The following ARHGAP17 variants were observed in gnomAD, a reference collection of about 807,000 sequenced individuals.
ARHGAP17 encodes the protein rho GTPase-activating protein 17.
Under a neutral mutation model 99.5 loss-of-function variants are expected in ARHGAP17, and 57 were observed. The ratio of observed to expected loss-of-function variants is 0.57; its 90% CI spans 0.46 to 0.71. The LOEUF (loss-of-function observed/expected upper bound fraction) is 0.71, where lower values mean the gene tolerates loss of function less well. ARHGAP17 is among the 30% of genes least tolerant of loss of function. The pLI is 0.00. For synonymous variants in ARHGAP17, 417 were observed against 429.6 expected (o/e 0.97, Z 0.36); for missense variants, 1,000 against 1,122.4 (o/e 0.89, Z 1.56).
At chr16:24,982,992 ATATATTTTTTTTTT>A (rs2052739035) in intron 1 of ARHGAP17, among the ~76,000 whole-genome samples, 1 of 28,764 alleles carries the variant, frequency 3.5e-5, no homozygotes, top group African/African-American at 1.5e-4. Context: ...ATATATATAT[ATATATTTTTTTTTT>A]TTTTTTTTTT....
At chr16:24,930,607 GGT>G (rs1350333974) in intron 19 of ARHGAP17, 175 bp downstream of exon 19, 1 of 1,052,412 alleles carries the variant, frequency 9.5e-7, no homozygotes, top group Non-Finnish European at 1.5e-6. Context: ...TTAACAAATG[GGT>G]GTAGCTGTGT....
Position 24,978,928 on chromosome 16 carries a change from T to A in ARHGAP17, c.93+38A>T, listed in dbSNP as rs574227704. Reference sequence around the variant, plus strand: ...CTCACATAGGAATTTTTTTCCATCCTTTAAACAGATCATTTAAAGGAGACT... The same window carrying A: ...CTCACATAGGAATTTTTTTCCATCCATTAAACAGATCATTTAAAGGAGACT... On this transcript the variant is annotated intron_variant, in intron 2 of 19. Coordinates refer to ENST00000289968, the MANE Select transcript of ARHGAP17 (RefSeq NM_001006634.3). The A allele has an allele frequency of 1.7e-5, 26 of 1,527,238 alleles. No homozygotes were observed. In the East Asian group the frequency reaches 5.4e-4, roughly 32 times the overall value. The allele number at this position is 1,527,238 out of a possible 1,614,324, so 94.6% of individuals were successfully genotyped here. A position where few individuals can be genotyped will look rare whatever the true frequency, so the allele number is the denominator to read the frequency against.
rs184459480 is a variant in ARHGAP17, at chr16:24,981,629, T to A, written c.54-2624A>T. Among the ~76,000 whole-genome samples the A allele has an allele frequency of 7.7e-4, 118 of 152,332 alleles. 3 individuals are homozygous for A. In the East Asian group the frequency reaches 0.02, roughly 26 times the overall value. ...AGTAGTTGCTTCTGGAGTTGGGAAATCTCAGAGAGTAGGGAGTGAACCCAC... is the reference window on the plus strand; with the variant it reads ...AGTAGTTGCTTCTGGAGTTGGGAAAACTCAGAGAGTAGGGAGTGAACCCAC... On this transcript the variant is annotated intron_variant, in intron 1 of 19. Coordinates refer to ENST00000289968, the MANE Select transcript of ARHGAP17 (RefSeq NM_001006634.3).
chr16:24,967,830 A>G (rs1045941146), intron 6 of ARHGAP17, among the ~76,000 whole-genome samples: 1 of 151,838 alleles, frequency 6.6e-6, no homozygotes, highest in African/African-American at 2.4e-5. Context: ...AAAAAACTCC[A>G]TCAAGGACAA....
chr16:24,968,614 GCCCACA>G, intron 5 of ARHGAP17, 41 bp downstream of exon 5: 1 of 1,596,134 alleles, frequency 6.3e-7, no homozygotes, highest in Non-Finnish European at 8.6e-7. Context: ...TCACTGTCCA[GCCCACA>G]CCACTCTCGG....
intron 16 of ARHGAP17, chr16:24,940,028 C>CCAGCCT (rs1485080125): frequency 5.5e-6 from 1 of 182,598 alleles, no homozygotes; most frequent in African/African-American, 2.4e-5. Flanking sequence ...AAACAATCCT[C>CCAGCCT]CAGCCTCAGC....
chr16:24,988,695 T>A (rs2141415078), intron 1 of ARHGAP17, among the ~76,000 whole-genome samples: 1 of 152,318 alleles, frequency 6.6e-6, no homozygotes, highest in Non-Finnish European at 1.5e-5. Flanking sequence ...AGCGTTTTGT[T>A]CGGTCAGTTG....
chr16:24,987,648 G>A (rs568256213), intron 1 of ARHGAP17, among the ~76,000 whole-genome samples: 5 of 151,858 alleles, frequency 3.3e-5, no homozygotes, highest in East Asian at 1.9e-4. Context: ...ATATGTGGCC[G>A]AGGCGCCAAC....
intron 12 of ARHGAP17, among the ~76,000 whole-genome samples, chr16:24,951,541 C>A (rs1426092171): frequency 6.6e-6 from 1 of 152,092 alleles, no homozygotes; most frequent in African/African-American, 2.4e-5. Flanking sequence ...AAAAAACTCA[C>A]AGATGAACTG....
At chr16:24,945,493 C>T (rs897768136) in intron 14 of ARHGAP17, among the ~76,000 whole-genome samples, 3 of 152,114 alleles carry the variant, frequency 2.0e-5, no homozygotes, top group Admixed American at 6.5e-5. Flanking sequence ...TTCTTCACCT[C>T]GCTTAATTTT....
intron 1 of ARHGAP17, among the ~76,000 whole-genome samples, chr16:24,994,517 T>C (rs1350934207): frequency 6.6e-6 from 1 of 152,042 alleles, no homozygotes; most frequent in African/African-American, 2.4e-5. Flanking sequence ...TCAAGGAAAA[T>C]AAGCCATTAT....
At chr16:24,930,605 TG>T in intron 19 of ARHGAP17, 178 bp downstream of exon 19, 1 of 1,039,236 alleles carries the variant, frequency 9.6e-7, no homozygotes, top group South Asian at 1.3e-5. Flanking sequence ...TGTTAACAAA[TG>T]GGTGTAGCTG....
At position 24,929,612 on chromosome 16, in the gene ARHGAP17, C is replaced by A. The variant is rs74015789; in HGVS notation, c.2515+1172G>T. ...GCAAGCTGCTCGGGGCCATTACAGA[C>A]CTTAGTCCTGGAAACCTTCCCCACC... is the stretch of plus-strand genomic sequence containing the variant. On this transcript the variant is annotated intron_variant, in intron 19 of 19. Transcript: ENST00000289968. The A allele has an allele frequency of 8.2e-3, 8,085 of 987,802 alleles. 428 individuals are homozygous for A. The African/African-American group carries it at 0.12, about 15-fold the overall frequency. 61.2% of individuals were successfully genotyped at this position (987,802 alleles called of 1,614,324 possible). A position where few individuals can be genotyped will look rare whatever the true frequency, so the allele number is the denominator to read the frequency against.
intron 10 of ARHGAP17, among the ~76,000 whole-genome samples, 163 bp from the exon 11 acceptor site, chr16:24,953,205 G>A (rs967128357): frequency 6.6e-6 from 1 of 152,214 alleles, no homozygotes; most frequent in Non-Finnish European, 1.5e-5. Flanking sequence ...GATGAGGGCT[G>A]AGCACGCACC....
At position 24,952,370 on chromosome 16, in the gene ARHGAP17, C is replaced by A; in HGVS notation, c.965G>T (p.Gly322Val). 6.2e-7 allele frequency: 1 copy of A among 1,611,332 alleles called. No individual in the cohort carries two copies. Among genetic ancestry groups the A allele is most frequent in the Non-Finnish European group, 8.5e-7 (1 of 1,178,192 alleles). Reference sequence around the variant, plus strand: ...TTCCCGTAAATAGGATTTTAAAGCACCTGAAATCATTAACACTCTCTTTGA... The same window carrying A: ...TTCCCGTAAATAGGATTTTAAAGCAACTGAAATCATTAACACTCTCTTTGA... The part of the protein sequence containing the change: ...EFYSDPHAVA[G>V]ALKSYLRELP... The change falls in exon 12 of 20, where the codon GGT (glycine) becomes GTT (valine). Residue 322 changes from glycine (G) to valine (V), a missense_variant and splice_region_variant. This residue lies in a region of ARHGAP17 where 472 missense variants were observed against 611.1 expected (regional missense o/e 0.77). Coordinates refer to ENST00000289968, the MANE Select transcript of ARHGAP17 (RefSeq NM_001006634.3).
chr16:24,973,920 G>T (rs887246469), intron 3 of ARHGAP17, among the ~76,000 whole-genome samples: 3 of 152,224 alleles, frequency 2.0e-5, no homozygotes, highest in African/African-American at 7.2e-5. Context: ...TTGGGGACTG[G>T]TGAGTGTTAT....
intron 7 of ARHGAP17, among the ~76,000 whole-genome samples, chr16:24,961,761 T>G (rs1056629561): frequency 3.3e-5 from 5 of 150,996 alleles, no homozygotes; most frequent in African/African-American, 1.2e-4. Context: ...TTTGAACTCC[T>G]GACCTCAAGT....
chr16:25,004,841 C>G (rs2053463165), intron 1 of ARHGAP17, among the ~76,000 whole-genome samples: 1 of 152,142 alleles, frequency 6.6e-6, no homozygotes, highest in South Asian at 2.1e-4. Flanking sequence ...AGGAAGTAGC[C>G]AATGCAAATA....
At chr16:24,999,474 G>A (rs2053298935) in intron 1 of ARHGAP17, among the ~76,000 whole-genome samples, 1 of 151,800 alleles carries the variant, frequency 6.6e-6, no homozygotes, top group Non-Finnish European at 1.5e-5. Flanking sequence ...TGGACTGCAG[G>A]GGCACAATCA....
Sources: gnomAD v4.1 joint callset for allele counts (sites outside exome capture counted in the v4.1 genomes callset) on GRCh38, gnomAD v4.1.1 for gene constraint, gnomAD v4.1.1 regional missense constraint, MANE v1.5 for transcripts, NCBI Gene and HGNC (gene_info 2026-07-23, HGNC 2026-07-21) for gene names.